DGKI: variants seen among roughly 807,000 people sequenced by gnomAD.
DGKI encodes the protein diacylglycerol kinase iota.
DGKI carries 55 observed loss-of-function variants against 147.5 expected under a neutral mutation model. That is an observed-to-expected ratio of 0.37 (90% CI 0.30 to 0.47). DGKI has a LOEUF of 0.47. Ranked by LOEUF, DGKI falls within the 20% of genes least tolerant of loss-of-function variation. The pLI is 1.00. For missense variants in DGKI, 1,007 were observed against 1,323.8 expected (o/e 0.76, Z 3.71); for synonymous variants, 469 against 477.1 (o/e 0.98, Z 0.22).
chr7:137,703,302 C>T (rs1824048784), intron 1 of DGKI, among the ~76,000 whole-genome samples: 1 of 152,160 alleles, frequency 6.6e-6, no homozygotes, highest in Non-Finnish European at 1.5e-5. Flanking sequence ...AGAGGAAATC[C>T]ACCCACGTGA....
intron 1 of DGKI, among the ~76,000 whole-genome samples, chr7:137,768,665 G>C (rs919741221): frequency 6.6e-6 from 1 of 152,146 alleles, no homozygotes; most frequent in African/African-American, 2.4e-5. Flanking sequence ...CATTACATAA[G>C]GTGCCCTGAA....
chr7:137,469,579 C>T lies in DGKI; in HGVS notation c.2414G>A (p.Arg805Lys), dbSNP rs778092011. 1.2e-6 allele frequency: 2 copies of T among 1,614,068 alleles called. No individual in the cohort carries two copies. Among genetic ancestry groups the T allele is most frequent in the East Asian group, 4.5e-5 (2 of 44,866 alleles). ...TSFPRALSAQ[R>K]LSPRWCFLDA... is the part of the protein sequence containing the mutation. The stretch of plus-strand genomic sequence containing the variant: ...TAGGAAGCACCACCGAGGAGAGAGC[C>T]TCTGTGCTGAGAGAGCCCTGGGGAA... Residue 805 changes from arginine (R) to lysine (K), a missense_variant, in exon 24 of 33, where the codon AGG (arginine) becomes AAG (lysine). By Grantham distance (26) the Arg-to-Lys change is conservative. Coordinates refer to ENST00000614521, the MANE Select transcript of DGKI (RefSeq NM_001321708.2).
chr7:137,593,930 CAGA>C (rs1819702648), intron 12 of DGKI, among the ~76,000 whole-genome samples: 1 of 152,166 alleles, frequency 6.6e-6, no homozygotes, highest in African/African-American at 2.4e-5. Flanking sequence ...TTTGTAGATT[CAGA>C]AGGTCTCAAA....
rs911757851 is a variant in DGKI at position 137,837,860 on chromosome 7, C to A, written c.401+8602G>T. Among the ~76,000 whole-genome samples, 14 of 152,162 alleles carry A rather than the reference C, an allele frequency of 9.2e-5. 1 individual carries two copies. The highest frequency in any genetic ancestry group is 2.7e-4 in the African/African-American group (11 of 41,432). ...AAAACCAAGCAGCCCCGAGGTTGTG[C>A]GCTGTCAGGGAAGCCCATGCTTGGC... On this transcript the variant is annotated intron_variant, in intron 1 of 32. Transcript: ENST00000614521.
chr7:137,589,788 A>G (rs2128984946), intron 12 of DGKI, among the ~76,000 whole-genome samples: 1 of 152,188 alleles, frequency 6.6e-6, no homozygotes, highest in African/African-American at 2.4e-5. Context: ...CTAATTCACC[A>G]CCCCTTCCAA....
rs80171132 is a variant in DGKI at position 137,609,084 on chromosome 7, C to A, written c.1069-20G>T. 3.4e-4 allele frequency: 542 copies of A among 1,592,496 alleles called. No individual in the cohort carries two copies. The highest frequency in any genetic ancestry group is 3.2e-4 in the Non-Finnish European group (376 of 1,160,758). On this transcript the variant is annotated intron_variant, in intron 9 of 32. Transcript: ENST00000614521. ...TTCCTGCTGAAAGAAGCAATCAGCA[C>A]TGTTAGGATACACATCCATGGCTTG...
chr7:137,454,429 A>G (rs1158036664), intron 27 of DGKI, among the ~76,000 whole-genome samples: 2 of 152,206 alleles, frequency 1.3e-5, no homozygotes, highest in South Asian at 4.1e-4. Context: ...AATGAGGGCA[A>G]AGCAGTTTGA....
intron 1 of DGKI, among the ~76,000 whole-genome samples, chr7:137,694,759 A>G (rs1823728578): frequency 6.6e-6 from 1 of 152,174 alleles, no homozygotes; most frequent in South Asian, 2.1e-4. Flanking sequence ...CTTGTCTTCA[A>G]AGCAGCTCAC....
At chr7:137,714,585 T>C (rs982031100) in intron 1 of DGKI, among the ~76,000 whole-genome samples, 2 of 152,168 alleles carry the variant, frequency 1.3e-5, no homozygotes, top group Non-Finnish European at 2.9e-5. Flanking sequence ...GTTTATCAAA[T>C]TGGACATGCA....
intron 21 of DGKI, among the ~76,000 whole-genome samples, chr7:137,518,334 C>CA (rs1392499357): frequency 3.9e-5 from 6 of 152,078 alleles, no homozygotes; most frequent in Non-Finnish European, 7.4e-5. Context: ...GAGATTCAAA[C>CA]ACCAAAATTT....
rs1352314846 is a variant in DGKI, at chr7:137,387,440, G to A, written c.*3780C>T. 2 of 152,072 alleles carry A rather than the reference G, an allele frequency of 1.3e-5. No individual in the cohort carries two copies. Among genetic ancestry groups the A allele is most frequent in the South Asian group, 2.1e-4 (1 of 4,830 alleles). 9.4% of individuals were successfully genotyped at this position (152,072 alleles called of 1,614,324 possible). A position where few individuals can be genotyped will look rare whatever the true frequency, so the allele number is the denominator to read the frequency against. On this transcript the variant is annotated 3_prime_UTR_variant, in exon 33 of 33. Transcript: ENST00000614521. Reference sequence around the variant, plus strand: ...TCTGTTTAACCTGTCTTTGCCTACTGGTGTTCACTAGACATATACAAATGA... The same window carrying A: ...TCTGTTTAACCTGTCTTTGCCTACTAGTGTTCACTAGACATATACAAATGA...
intron 17 of DGKI, among the ~76,000 whole-genome samples, chr7:137,573,788 A>G (rs1048431439): frequency 6.6e-6 from 1 of 152,216 alleles, no homozygotes; most frequent in African/African-American, 2.4e-5. Context: ...CTTGGCCTCA[A>G]CAACCCTCGA....
At chr7:137,469,322 C>T (rs1033727627) in intron 24 of DGKI, among the ~76,000 whole-genome samples, 1 of 152,204 alleles carries the variant, frequency 6.6e-6, no homozygotes, top group African/African-American at 2.4e-5. Context: ...CAACTTGATG[C>T]TGAGTTCAGC....
rs1798708794 is a variant in DGKI, at chr7:137,846,128, C to CTT, written c.401+333_401+334insAA. Among the ~76,000 whole-genome samples, 2 of 133,184 alleles carry CTT rather than the reference C, an allele frequency of 1.5e-5. No homozygotes were observed. Among genetic ancestry groups the CTT allele is most frequent in the African/African-American group, 3.0e-5 (1 of 33,710 alleles). The allele number at this position is 133,184 out of a possible 152,430, so 87.4% of individuals were successfully genotyped here. A position where few individuals can be genotyped will look rare whatever the true frequency, so the allele number is the denominator to read the frequency against. The stretch of plus-strand genomic sequence containing the variant: ...ACTGAGTCTGCAACCCTTTCTCTCT[C>CTT]TCTCTTTCTCTCTCTCTCTCTCTCT... On this transcript the variant is annotated intron_variant, in intron 1 of 32. Transcript: ENST00000614521. This position sits in a 1 kb window ranked among gnomAD's most constrained non-coding sequence, Gnocchi z 4.0.
At position 137,542,786 on chromosome 7, in the gene DGKI, A is replaced by G. The variant is rs143610641; in HGVS notation, c.2147+9583T>C. The stretch of plus-strand genomic sequence containing the variant: ...AAATATTAAAAATAAAAGCAAATAT[A>G]ATAAACATTCAATACAAAGTCGTTC... On this transcript the variant is annotated intron_variant, in intron 20 of 32. Transcript: ENST00000614521. 6.3e-3 allele frequency among the ~76,000 whole-genome samples: 959 copies of G among 152,312 alleles called. 14 individuals are homozygous for G. Among genetic ancestry groups the G allele is most frequent in the African/African-American group, 0.022 (906 of 41,566 alleles).
intron 1 of DGKI, among the ~76,000 whole-genome samples, chr7:137,693,447 C>T (rs977770870): frequency 2.6e-5 from 4 of 152,204 alleles, no homozygotes; most frequent in African/African-American, 9.6e-5. Context: ...AAGAAAATAT[C>T]CTATAATGCA....
At chr7:137,742,428 C>T (rs766139794) in intron 1 of DGKI, among the ~76,000 whole-genome samples, 21 of 152,300 alleles carry the variant, frequency 1.4e-4, no homozygotes, top group African/African-American at 1.7e-4. Flanking sequence ...AGAAACAGAG[C>T]CTTAATTAAA....
intron 19 of DGKI, among the ~76,000 whole-genome samples, chr7:137,568,897 T>C (rs1251737624): frequency 6.6e-6 from 1 of 150,584 alleles, no homozygotes; most frequent in Non-Finnish European, 1.5e-5. Flanking sequence ...ATAATAAAAA[T>C]TATACTAATT....
Position 137,641,281 on chromosome 7 carries a change from G to A in DGKI, c.804+4191C>T, listed in dbSNP as rs150263585. On this transcript the variant is annotated intron_variant, in intron 6 of 32. Transcript: ENST00000614521. ...TTTCTTTTGTAAATTGCCCAGTCTCGGGTATGTGTTTATAAACAGCACGAA... is the reference window on the plus strand; with the variant it reads ...TTTCTTTTGTAAATTGCCCAGTCTCAGGTATGTGTTTATAAACAGCACGAA... Among the ~76,000 whole-genome samples the A allele has an allele frequency of 1.3e-4, 20 of 152,160 alleles. No individual in the cohort carries two copies. The East Asian group carries it at 1.7e-3, about 13-fold the overall frequency.
Sources: allele counts gnomAD v4.1 joint callset (sites outside exome capture counted in the v4.1 genomes callset), GRCh38; gene constraint gnomAD v4.1.1; non-coding constraint Gnocchi (gnomAD v3.1); transcripts MANE v1.5; gene names NCBI Gene and HGNC (gene_info 2026-07-23, HGNC 2026-07-21).